PER2: variants seen among roughly 807,000 people sequenced by gnomAD.
PER2 encodes the protein period circadian protein homolog 2.
Under a neutral mutation model 121.0 loss-of-function variants are expected in PER2, and 66 were observed. That is an observed-to-expected ratio of 0.55 (90% CI 0.45 to 0.67). PER2 has a LOEUF of 0.67. Ranked by LOEUF, PER2 falls within the 30% of genes least tolerant of loss-of-function variation. PER2 has a pLI of 0.00. For synonymous variants in PER2, 684 were observed against 659.9 expected, an observed-to-expected ratio of 1.04 and a Z score of -0.56; for missense variants, 1,521 against 1,635.0, an observed-to-expected ratio of 0.93 and a Z score of 1.20.
At chr2:238,276,612 G>A (rs1472725917) in intron 3 of PER2, among the ~76,000 whole-genome samples, 6 of 152,162 alleles carry the variant, frequency 3.9e-5, no homozygotes, top group Admixed American at 3.3e-4. Flanking sequence ...TGTGGAAAAG[G>A]GTCTTCAAAC....
rs1695818458 is a variant in PER2 at position 238,258,171 on chromosome 2, G to C, written c.1900+105C>G. 12 of 1,263,932 alleles carry C rather than the reference G, an allele frequency of 9.5e-6. No homozygotes were observed. The Admixed American group carries it at 2.1e-4, about 22-fold the overall frequency. 78.3% of individuals were successfully genotyped at this position (1,263,932 alleles called of 1,614,324 possible). ...AACTACTTTCATCATTTGAAAAACA[G>C]CCTACACCCTTACACTGTGTCCACA... On this transcript the variant is annotated intron_variant, in intron 16 of 22. Transcript: ENST00000254657.
At chr2:238,298,893 C>G in the PER2 span, 2 of 152,170 alleles carry the variant, frequency 1.3e-5, no homozygotes, top group Non-Finnish European at 2.9e-5. Context: ...CCTTGCCAAC[C>G]TAAGACAAAC....
chr2:238,282,527 G>A (rs559470459), intron 1 of PER2, among the ~76,000 whole-genome samples: 1 of 152,356 alleles, frequency 6.6e-6, no homozygotes, highest in East Asian at 1.9e-4. Flanking sequence ...AAAGGATAGA[G>A]GCCAGAAAGA....
At chr2:238,294,824 C>T (rs994180652), upstream of PER2, among the ~76,000 whole-genome samples, 1 of 152,218 alleles carries the variant, frequency 6.6e-6, no homozygotes, top group African/African-American at 2.4e-5. Flanking sequence ...CTCCAACGTG[C>T]CTCTCGTTCT....
intron 4 of PER2, among the ~76,000 whole-genome samples, 197 bp downstream of exon 4, chr2:238,275,546 G>A (rs1194676047): frequency 6.6e-6 from 1 of 152,214 alleles, no homozygotes; most frequent in Non-Finnish European, 1.5e-5. Context: ...AGAATTAGCT[G>A]GGCGTGGTGG....
At chr2:238,297,215 C>T in the PER2 span, among the ~76,000 whole-genome samples, 4 of 152,106 alleles carry the variant, frequency 2.6e-5, no homozygotes, top group Non-Finnish European at 4.4e-5. Context: ...CCAAAGAAGG[C>T]GAGAGGACCA....
intron 1 of PER2, among the ~76,000 whole-genome samples, chr2:238,279,835 T>C (rs539297177): frequency 6.4e-4 from 98 of 152,196 alleles, no homozygotes; most frequent in African/African-American, 2.1e-3. Context: ...TGAAGGTGCG[T>C]CCGGCTGCTT....
chr2:238,268,791 TG>T lies in PER2; in HGVS notation c.824+131del. ...TTAAAATGTAACTGACTGTGTTTTC[TG>T]GTAGACTTCAGAAACAGGCGTGCTG... On this transcript the variant is annotated intron_variant, in intron 7 of 22. Transcript: ENST00000254657. The surrounding 1 kb of genome is among the most constrained non-coding windows in gnomAD (Gnocchi z 4.0). The T allele has an allele frequency of 1.4e-6, 1 of 725,098 alleles. No homozygotes were observed. The highest frequency in any genetic ancestry group is 2.5e-6 in the Non-Finnish European group (1 of 401,132). 44.9% of individuals were successfully genotyped at this position (725,098 alleles called of 1,614,324 possible).
intron 1 of PER2, among the ~76,000 whole-genome samples, chr2:238,281,471 A>C (rs1478822410): frequency 6.6e-6 from 1 of 152,248 alleles, no homozygotes. Flanking sequence ...CAAAATAAGC[A>C]AATCTGTTAT....
At chr2:238,264,302 G>A (rs1183600067) in intron 9 of PER2, among the ~76,000 whole-genome samples, 1 of 152,220 alleles carries the variant, frequency 6.6e-6, no homozygotes, top group African/African-American at 2.4e-5. Flanking sequence ...GTTCCACAGG[G>A]CAGGGTGGTG....
rs534689775 is a variant in PER2, at chr2:238,268,773, G to GT, written c.824+149dup. 78 of 683,952 alleles carry GT rather than the reference G, an allele frequency of 1.1e-4. 2 individuals are homozygous for GT. The highest frequency in any genetic ancestry group is 1.0e-3 in the East Asian group (39 of 37,714). The allele number at this position is 683,952 out of a possible 1,614,324, so 42.4% of individuals were successfully genotyped here. ...TTAGCGACCTGTACACATTTAAAATGTAACTGACTGTGTTTTCTGGTAGAC... is the reference window on the plus strand; with the variant it reads ...TTAGCGACCTGTACACATTTAAAATGTTAACTGACTGTGTTTTCTGGTAGAC... On this transcript the variant is annotated intron_variant, in intron 7 of 22. Transcript: ENST00000254657. The surrounding 1 kb of genome is among the most constrained non-coding windows in gnomAD (Gnocchi z 4.0).
chr2:238,261,649 C>G (rs1219545333), intron 12 of PER2, 80 bp downstream of exon 12: 2 of 886,688 alleles, frequency 2.3e-6, no homozygotes, highest in Admixed American at 2.0e-5. Flanking sequence ...TGTGCCAGGA[C>G]CAGGGTTCAG....
At chr2:238,260,994 T>A in intron 12 of PER2, 41 bp from the exon 13 acceptor site, 1 of 1,601,076 alleles carries the variant, frequency 6.2e-7, no homozygotes, top group East Asian at 2.2e-5. Flanking sequence ...CAGCCAGGGC[T>A]GCTGAGCTAT....
At chr2:238,256,815 G>T in intron 17 of PER2, 107 bp downstream of exon 17, 2 of 1,164,128 alleles carry the variant, frequency 1.7e-6, no homozygotes, top group Non-Finnish European at 2.5e-6. Flanking sequence ...CCCCCTATCG[G>T]GCTATGGTGG....
chr2:238,278,026 A>G, intron 1 of PER2, 71 bp from the exon 2 acceptor site: 1 of 1,526,426 alleles, frequency 6.6e-7, no homozygotes, highest in Non-Finnish European at 8.9e-7. Context: ...CATCAGGTAG[A>G]GCACCCATTT....
the PER2 span, among the ~76,000 whole-genome samples, chr2:238,296,942 G>C: frequency 6.6e-6 from 1 of 152,236 alleles, no homozygotes. Flanking sequence ...GTTCATGGCA[G>C]GCAGGGCCCT....
At position 238,252,685 on chromosome 2, in the gene PER2, C is replaced by T. The variant is rs2106367032; in HGVS notation, c.3111+227G>A. ...TTCTGGAGTCTGTATCACAATCTCTCCTCCTTCATTCAGATTCCACGACAA... is the reference window on the plus strand; with the variant it reads ...TTCTGGAGTCTGTATCACAATCTCTTCTCCTTCATTCAGATTCCACGACAA... On this transcript the variant is annotated intron_variant, in intron 19 of 22. Coordinates refer to ENST00000254657, the MANE Select transcript of PER2 (RefSeq NM_022817.3). This position sits in a 1 kb window ranked among gnomAD's most constrained non-coding sequence, Gnocchi z 4.2. 1.3e-5 allele frequency among the ~76,000 whole-genome samples: 2 copies of T among 152,362 alleles called. No individual in the cohort carries two copies. Among genetic ancestry groups the T allele is most frequent in the East Asian group, 3.9e-4 (2 of 5,186 alleles).
intron 8 of PER2, among the ~76,000 whole-genome samples, chr2:238,266,800 G>A (rs1002679148): frequency 3.3e-5 from 5 of 152,194 alleles, no homozygotes; most frequent in African/African-American, 1.2e-4. Flanking sequence ...CACTTTGGGA[G>A]GCCGAGACAG....
chr2:238,272,998 A>C (rs1696336559), intron 5 of PER2, 72 bp downstream of exon 5: 1 of 1,464,996 alleles, frequency 6.8e-7, no homozygotes, highest in Non-Finnish European at 9.6e-7. Context: ...CACCGGCCGC[A>C]GTGCTGAGCT....
Sources: gnomAD v4.1 joint callset for allele counts (sites outside exome capture counted in the v4.1 genomes callset) on GRCh38, gnomAD v4.1.1 for gene constraint, Gnocchi (gnomAD v3.1) non-coding constraint, MANE v1.5 for transcripts, NCBI Gene and HGNC (gene_info 2026-07-23, HGNC 2026-07-21) for gene names.